Variants in APTX observed in about 807,000 individuals in gnomAD.
APTX encodes the protein forkhead-associated domain histidine triad-like protein.
A neutral mutation model predicts 42.3 loss-of-function variants in APTX; 33 were observed. That is an observed-to-expected ratio of 0.78 (90% CI 0.59 to 1.04). APTX has a LOEUF of 1.04. APTX is among the 50% of genes least tolerant of loss of function. The probability of loss-of-function intolerance (pLI) is 0.00; values close to 1 mark genes in which losing one functional copy is unlikely to be tolerated. For missense variants in APTX, 421 were observed against 415.1 expected, an observed-to-expected ratio of 1.01 and a Z score of -0.12; for synonymous variants, 130 against 146.7, an observed-to-expected ratio of 0.89 and a Z score of 0.82.
chr9:33,001,758 G>A (rs969344874), upstream of APTX: 2 of 969,708 alleles, frequency 2.1e-6, no homozygotes, highest in African/African-American at 3.2e-5. Context: ...GTTCTCTCTG[G>A]GCCGTGGTCC....
At chr9:32,993,003 G>A (rs1833989164) in intron 1 of APTX, among the ~76,000 whole-genome samples, 2 of 152,222 alleles carry the variant, frequency 1.3e-5, no homozygotes, top group Admixed American at 1.3e-4. Context: ...GTAACAGACT[G>A]AGAAGTGAAA....
At chr9:33,011,083 T>A (rs772464211) in intron 1 of APTX, among the ~76,000 whole-genome samples, 2 of 150,502 alleles carry the variant, frequency 1.3e-5, no homozygotes, top group Non-Finnish European at 3.0e-5. Flanking sequence ...GCAGAGGTTG[T>A]AGTGAGCTGA....
At chr9:32,973,738 G>A (rs766486886) in intron 7 of APTX, 86 bp from the exon 8 acceptor site, 23 of 1,531,328 alleles carry the variant, frequency 1.5e-5, no homozygotes, top group East Asian at 4.5e-5. Flanking sequence ...AATCAAAAAC[G>A]TGACTCCAAT....
chr9:33,021,315 C>T (rs529808876), intron 1 of APTX, among the ~76,000 whole-genome samples: 3 of 151,974 alleles, frequency 2.0e-5, no homozygotes, highest in Admixed American at 6.6e-5. Context: ...TAGGAAGATT[C>T]GACATTTTAA....
At position 32,981,597 on chromosome 9, in the gene APTX, C is replaced by G. The variant is rs113745266; in HGVS notation, c.770+3034G>C. 4.2e-3 allele frequency among the ~76,000 whole-genome samples: 645 copies of G among 152,222 alleles called. 3 individuals are homozygous for G. The highest frequency in any genetic ancestry group is 0.015 in the African/African-American group (617 of 41,522). ...TTCATTCCAGATAAGCCTGGAACAT[C>G]TTGTGGGGCCAGAAAATAAATTGCC... On this transcript the variant is annotated intron_variant, in intron 6 of 7. Transcript: ENST00000379817.
intron 1 of APTX, among the ~76,000 whole-genome samples, chr9:33,011,222 A>G (rs1221853184): frequency 6.6e-6 from 1 of 152,190 alleles, no homozygotes; most frequent in Non-Finnish European, 1.5e-5. Context: ...GAAAGAAGAA[A>G]AAAGTCATGT....
At chr9:32,993,825 T>G (rs1420718898) in intron 1 of APTX, among the ~76,000 whole-genome samples, 2 of 151,948 alleles carry the variant, frequency 1.3e-5, no homozygotes, top group Non-Finnish European at 2.9e-5. Context: ...TTCAAGCAAT[T>G]CTCCTGCCTC....
At chr9:33,014,634 T>G (rs1435983701) in intron 1 of APTX, among the ~76,000 whole-genome samples, 1 of 152,220 alleles carries the variant, frequency 6.6e-6, no homozygotes, top group African/African-American at 2.4e-5. Context: ...GTCTTGTCCG[T>G]TAGACATTCA....
intron 1 of APTX, among the ~76,000 whole-genome samples, chr9:33,013,981 T>A (rs1210115634): frequency 6.6e-6 from 1 of 152,098 alleles, no homozygotes; most frequent in Non-Finnish European, 1.5e-5. Flanking sequence ...AACTCCAACC[T>A]ATGCACTCAA....
At chr9:32,983,967 T>C (rs1164557201) in intron 6 of APTX, among the ~76,000 whole-genome samples, 3 of 152,234 alleles carry the variant, frequency 2.0e-5, no homozygotes, top group Non-Finnish European at 4.4e-5. Flanking sequence ...GTAATGCCAA[T>C]GAATTGTACA....
chr9:33,011,487 A>G (rs1033004835), intron 1 of APTX, among the ~76,000 whole-genome samples: 2 of 151,886 alleles, frequency 1.3e-5, no homozygotes, highest in African/African-American at 4.8e-5. Flanking sequence ...GGGTTTCACC[A>G]TCTTGGCCAG....
intron 1 of APTX, among the ~76,000 whole-genome samples, chr9:33,012,024 C>T (rs930348995): frequency 1.3e-5 from 2 of 152,190 alleles, no homozygotes; most frequent in African/African-American, 4.8e-5. Context: ...CAGACAACCC[C>T]GAGACACTCC....
At chr9:33,005,531 G>C (rs1462743750), upstream of APTX, among the ~76,000 whole-genome samples, 5 of 151,796 alleles carry the variant, frequency 3.3e-5, no homozygotes, top group Non-Finnish European at 5.9e-5. Context: ...TGACCACCCA[G>C]ACTCAAACAA....
rs1052082393 is a variant in APTX at position 32,972,699 on chromosome 9, T to C, written c.*799A>G. 2.2e-6 allele frequency: 1 copy of C among 453,102 alleles called. No individual in the cohort carries two copies. Among genetic ancestry groups the C allele is most frequent in the Admixed American group, 2.4e-5 (1 of 42,472 alleles). 28.1% of individuals were successfully genotyped at this position (453,102 alleles called of 1,614,324 possible). A position where few individuals can be genotyped will look rare whatever the true frequency, so the allele number is the denominator to read the frequency against. ...CATTCACCAACCACCTTTCCATGCA[T>C]CAGAACCTATGCTGTGATTGTTAGC... On this transcript the variant is annotated 3_prime_UTR_variant, in exon 8 of 8. Transcript: ENST00000379817.
At chr9:33,002,079 G>GT (rs1836664196), upstream of APTX, among the ~76,000 whole-genome samples, 2 of 152,120 alleles carry the variant, frequency 1.3e-5, no homozygotes, top group Non-Finnish European at 2.9e-5. Flanking sequence ...AGGGAAACCT[G>GT]TTTTTTGTAG....
chr9:33,021,960 TAAAAAAAA>T (rs771015871), intron 1 of APTX, among the ~76,000 whole-genome samples: 1 of 126,424 alleles, frequency 7.9e-6, no homozygotes, highest in Non-Finnish European at 1.7e-5. Context: ...GCTGTTAATT[TAAAAAAAA>T]AAAAAAAAAA....
chr9:32,999,800 C>T (rs1432190023), intron 1 of APTX, among the ~76,000 whole-genome samples: 1 of 152,056 alleles, frequency 6.6e-6, no homozygotes, highest in Non-Finnish European at 1.5e-5. Flanking sequence ...ACGGTGAAAC[C>T]CCGTCTCTAC....
At chr9:33,005,135 TAGG>T (rs145577533), upstream of APTX, among the ~76,000 whole-genome samples, 806 of 152,290 alleles carry the variant, frequency 5.3e-3, 7 homozygotes, top group African/African-American at 0.018. Flanking sequence ...TGTTTTGTTG[TAGG>T]AGTTCTTTAT....
At chr9:33,001,126 C>T (rs1836324869) in intron 1 of APTX, among the ~76,000 whole-genome samples, 1 of 152,158 alleles carries the variant, frequency 6.6e-6, no homozygotes, top group African/African-American at 2.4e-5. Flanking sequence ...GGATTACAGG[C>T]ATGAGCCACC....
Sources: gnomAD v4.1 joint callset for allele counts (sites outside exome capture counted in the v4.1 genomes callset) on GRCh38, gnomAD v4.1.1 for gene constraint, MANE v1.5 for transcripts, NCBI Gene and HGNC (gene_info 2026-07-23, HGNC 2026-07-21) for gene names.